NCOA1: variants seen among roughly 807,000 people sequenced by gnomAD.
NCOA1 encodes the protein Hin-2 protein.
Under a neutral mutation model 150.9 loss-of-function variants are expected in NCOA1, and 35 were observed. The ratio of observed to expected loss-of-function variants is 0.23; its 90% CI spans 0.18 to 0.31. The LOEUF (loss-of-function observed/expected upper bound fraction) is 0.31, where lower values mean the gene tolerates loss of function less well. Ranked by LOEUF, NCOA1 falls within the 10% of genes least tolerant of loss-of-function variation. The pLI is 1.00. For synonymous variants in NCOA1, 590 were observed against 630.0 expected (o/e 0.94, Z 0.95); for missense variants, 1,491 against 1,749.3 (o/e 0.85, Z 2.63).
At chr2:24,541,359 C>G (rs1446750164) in intron 1 of NCOA1, among the ~76,000 whole-genome samples, 1 of 152,094 alleles carries the variant, frequency 6.6e-6, no homozygotes, top group Admixed American at 6.5e-5. Flanking sequence ...TCAGCAGTGC[C>G]AGATTACCAA....
At chr2:24,706,040 G>A (rs1673408703) in intron 12 of NCOA1, among the ~76,000 whole-genome samples, 1 of 151,832 alleles carries the variant, frequency 6.6e-6, no homozygotes, top group African/African-American at 2.4e-5. Context: ...CATCTGCTAT[G>A]TCTGCATATC....
Position 24,668,921 on chromosome 2 carries a change from A to T in NCOA1, c.256+3006A>T, listed in dbSNP as rs1671560573. Among the ~76,000 whole-genome samples, 3 of 152,230 alleles carry T rather than the reference A, an allele frequency of 2.0e-5. No individual in the cohort carries two copies. In the South Asian group the frequency reaches 6.2e-4, roughly 32 times the overall value. ...ATACGTAAGATCTGAAACACTAAAT[A>T]TAAAAAAAGAAATGTAAGTTATAAC... On this transcript the variant is annotated intron_variant, in intron 6 of 22. Coordinates refer to ENST00000348332, the MANE Select transcript of NCOA1 (RefSeq NM_003743.5).
At chr2:24,721,828 G>A (rs1030004398) in intron 14 of NCOA1, among the ~76,000 whole-genome samples, 1 of 152,174 alleles carries the variant, frequency 6.6e-6, no homozygotes, top group African/African-American at 2.4e-5. Context: ...TCTTTCTCCT[G>A]TTGCAAGTGT....
At chr2:24,526,376 C>CT (rs1257142112) in intron 1 of NCOA1, among the ~76,000 whole-genome samples, 2 of 151,794 alleles carry the variant, frequency 1.3e-5, no homozygotes, top group Non-Finnish European at 2.9e-5. Context: ...CTCTCTACCA[C>CT]TTTTTTTCAT....
At chr2:24,507,435 G>GTTT (rs10651704) in intron 1 of NCOA1, among the ~76,000 whole-genome samples, 3,053 of 126,356 alleles carry the variant, frequency 0.024, 61 homozygotes, top group South Asian at 0.057. Context: ...GAGCTGCTGG[G>GTTT]TTTTTTTTTT....
intron 14 of NCOA1, among the ~76,000 whole-genome samples, chr2:24,725,332 A>T (rs1381312934): frequency 6.6e-6 from 1 of 152,154 alleles, no homozygotes; most frequent in African/African-American, 2.4e-5. Flanking sequence ...ACAATTCTGG[A>T]AGCCTAAAGT....
intron 3 of NCOA1, among the ~76,000 whole-genome samples, chr2:24,643,451 A>G (rs1012370402): frequency 6.6e-6 from 1 of 152,190 alleles, no homozygotes; most frequent in Non-Finnish European, 1.5e-5. Context: ...ACTGTGGGCA[A>G]ATTAGTTCGA....
In NCOA1 at chr2:24,758,137, A is replaced by G. The variant is rs375384422; in HGVS notation, c.4046A>G (p.Asn1349Ser). The change falls in exon 21 of 23, where the codon AAC becomes AGC. Residue 1349 changes from asparagine to serine, a missense_variant. Coordinates refer to ENST00000348332, the MANE Select transcript of NCOA1 (RefSeq NM_003743.5). ...AGCTCTTTGCAGATGCCAGGAATGAACACTGTGTGCCCTGAGCAGGTAAGT... is the reference window on the plus strand; with the variant it reads ...AGCTCTTTGCAGATGCCAGGAATGAGCACTGTGTGCCCTGAGCAGGTAAGT... ...QMSSLQMPGM[N>S]TVCPEQINDP... 6.2e-7 allele frequency: 1 copy of G among 1,613,696 alleles called. No individual in the cohort carries two copies. Among genetic ancestry groups the G allele is most frequent in the Non-Finnish European group, 8.5e-7 (1 of 1,179,790 alleles).
chr2:24,715,664 C>T (rs934069954), intron 14 of NCOA1, among the ~76,000 whole-genome samples: 3 of 152,138 alleles, frequency 2.0e-5, no homozygotes, highest in South Asian at 2.1e-4. Context: ...AATATTAAGA[C>T]ATAAATTTTA....
At chr2:24,639,936 AT>A (rs1670121634) in intron 3 of NCOA1, among the ~76,000 whole-genome samples, 1 of 28,800 alleles carries the variant, frequency 3.5e-5, no homozygotes, top group Non-Finnish European at 7.8e-5. Flanking sequence ...ATATATATAT[AT>A]ATATATATAT....
intron 1 of NCOA1, among the ~76,000 whole-genome samples, chr2:24,541,577 C>T (rs992297877): frequency 1.3e-5 from 2 of 152,136 alleles, no homozygotes; most frequent in Non-Finnish European, 2.9e-5. Context: ...ACTATGGAGG[C>T]TAGGAGAGGT....
intron 1 of NCOA1, among the ~76,000 whole-genome samples, chr2:24,551,199 A>G (rs1043613972): frequency 2.0e-5 from 3 of 152,164 alleles, no homozygotes; most frequent in Non-Finnish European, 2.9e-5. Flanking sequence ...TCTGTTTCAG[A>G]TAGCATAAAG....
At chr2:24,755,682 G>GGT (rs1220229585) in intron 20 of NCOA1, among the ~76,000 whole-genome samples, 2 of 152,174 alleles carry the variant, frequency 1.3e-5, no homozygotes, top group Admixed American at 6.5e-5. Flanking sequence ...AGAAGAGCTT[G>GGT]GTCTCCTTCC....
intron 4 of NCOA1, among the ~76,000 whole-genome samples, chr2:24,645,830 CTG>C (rs1670447825): frequency 6.6e-6 from 1 of 152,118 alleles, no homozygotes; most frequent in Non-Finnish European, 1.5e-5. Flanking sequence ...CCAATCAGGA[CTG>C]TTGGTTCTCC....
At chr2:24,683,762 G>A (rs932595748) in intron 8 of NCOA1, among the ~76,000 whole-genome samples, 3 of 152,146 alleles carry the variant, frequency 2.0e-5, no homozygotes, top group African/African-American at 7.2e-5. Flanking sequence ...CTCCTCTAAA[G>A]TTTTTCAGTG....
intron 7 of NCOA1, among the ~76,000 whole-genome samples, chr2:24,678,333 G>T (rs1438685508): frequency 6.6e-6 from 1 of 152,122 alleles, no homozygotes; most frequent in Non-Finnish European, 1.5e-5. Context: ...ATTGTGAATA[G>T]TGCTGTGATG....
intron 1 of NCOA1, among the ~76,000 whole-genome samples, chr2:24,513,269 T>C (rs895826954): frequency 2.6e-5 from 4 of 152,210 alleles, no homozygotes; most frequent in Non-Finnish European, 4.4e-5. Flanking sequence ...CCTCTTTCTT[T>C]TACCCCTTCC....
intron 17 of NCOA1, among the ~76,000 whole-genome samples, chr2:24,731,057 C>T (rs1452051510): frequency 6.9e-6 from 1 of 144,326 alleles, no homozygotes; most frequent in Non-Finnish European, 1.5e-5. Context: ...AAAAAAAAAG[C>T]CAGCTGTGGG....
At chr2:24,660,073 G>T (rs1450035384) in intron 5 of NCOA1, among the ~76,000 whole-genome samples, 2 of 152,160 alleles carry the variant, frequency 1.3e-5, no homozygotes, top group Non-Finnish European at 2.9e-5. Context: ...AGCTCAGAGA[G>T]CTGTCAGAGA....
Sources: gnomAD v4.1 joint callset for allele counts (sites outside exome capture counted in the v4.1 genomes callset) on GRCh38, gnomAD v4.1.1 for gene constraint, MANE v1.5 for transcripts, NCBI Gene and HGNC (gene_info 2026-07-23, HGNC 2026-07-21) for gene names.